MRS2: variants seen among roughly 807,000 people sequenced by gnomAD.
The protein encoded by MRS2 is magnesium transporter MRS2.
In MRS2, 40 loss-of-function variants were observed where a neutral mutation model predicts 52.6. That is an observed-to-expected ratio of 0.76 (90% CI 0.59 to 0.99). The LOEUF (loss-of-function observed/expected upper bound fraction) is 0.99. MRS2 is among the 50% of genes least tolerant of loss of function. The pLI, the probability that MRS2 is intolerant of heterozygous loss-of-function variation, is 0.00. For synonymous variants in MRS2, 193 were observed against 195.9 expected (o/e 0.98, Z 0.13); for missense variants, 472 against 532.7 (o/e 0.89, Z 1.12).
At chr6:24,412,518 G>A (rs1245675943) in intron 5 of MRS2, 123 bp downstream of exon 5, 2 of 662,754 alleles carry the variant, frequency 3.0e-6, no homozygotes, top group Non-Finnish European at 4.8e-6. Flanking sequence ...CCCGAAACAA[G>A]TCGTCTCTAA....
At chr6:24,417,634 T>G (rs1441404217) in intron 7 of MRS2, among the ~76,000 whole-genome samples, 1 of 152,172 alleles carries the variant, frequency 6.6e-6, no homozygotes, top group East Asian at 1.9e-4. Flanking sequence ...ACTCACAGAT[T>G]GGCCACAACA....
intron 3 of MRS2, 146 bp downstream of exon 3, chr6:24,408,590 T>C: frequency 1.6e-6 from 1 of 642,644 alleles, no homozygotes. Flanking sequence ...TGTCCATCAG[T>C]CTTAATTGGA....
intron 5 of MRS2, among the ~76,000 whole-genome samples, chr6:24,413,986 C>A (rs912042828): frequency 2.0e-5 from 3 of 152,138 alleles, no homozygotes; most frequent in African/African-American, 7.2e-5. Flanking sequence ...TGTTTTAAAG[C>A]TCAAGTTTTT....
chr6:24,406,120 AAG>A (rs1761466876), intron 2 of MRS2, among the ~76,000 whole-genome samples: 1 of 151,286 alleles, frequency 6.6e-6, no homozygotes, highest in Admixed American at 6.6e-5. Flanking sequence ...AAAAAAAAAA[AAG>A]GTGTGCCTAT....
intron 1 of MRS2, 109 bp from the exon 2 acceptor site, chr6:24,405,059 A>T: frequency 1.5e-6 from 1 of 645,710 alleles, no homozygotes; most frequent in East Asian, 2.9e-5. Context: ...AAAAATATTT[A>T]AAAATAATAA....
At chr6:24,407,195 A>G (rs1436788411) in intron 2 of MRS2, among the ~76,000 whole-genome samples, 3 of 151,776 alleles carry the variant, frequency 2.0e-5, no homozygotes, top group African/African-American at 7.2e-5. Flanking sequence ...TATGTTACGT[A>G]TATTTATTTT....
At chr6:24,409,081 A>T (rs1385506761) in intron 3 of MRS2, among the ~76,000 whole-genome samples, 2 of 152,232 alleles carry the variant, frequency 1.3e-5, no homozygotes, top group African/African-American at 2.4e-5. Flanking sequence ...CTGTTCACAT[A>T]TATAAAATAC....
At chr6:24,420,835 G>A (rs1000845127) in intron 9 of MRS2, among the ~76,000 whole-genome samples, 1 of 152,102 alleles carries the variant, frequency 6.6e-6, no homozygotes, top group African/African-American at 2.4e-5. Flanking sequence ...GGTTGGAATG[G>A]TTAGAAGAGC....
chr6:24,410,901 C>A, intron 4 of MRS2: 1 of 642,238 alleles, frequency 1.6e-6, no homozygotes, highest in Non-Finnish European at 2.6e-6. Context: ...TAAAAATTTT[C>A]ATGAGGCTAG....
In MRS2 at chr6:24,418,509, C is replaced by T. The variant is rs747861400; in HGVS notation, c.1038C>T (p.Thr346=). Residue 346 remains threonine, a synonymous_variant, in exon 9 of 11, where the codon ACC becomes ACT. Coordinates refer to ENST00000378386, the MANE Select transcript of MRS2 (RefSeq NM_020662.4). ...MRLNLQLTMG[T]FSLSLFGLMG... ...TGAATCTACAGCTGACCATGGGAAC[C>T]TTCTCTCTTTCGCTCTTTGGACTAA... is the stretch of plus-strand genomic sequence containing the variant. 5.9e-5 allele frequency: 96 copies of T among 1,613,974 alleles called. No homozygotes were observed. The highest frequency in any genetic ancestry group is 8.3e-5 in the Admixed American group (5 of 59,986).
intron 9 of MRS2, among the ~76,000 whole-genome samples, chr6:24,419,920 T>C (rs1014894183): frequency 6.6e-6 from 1 of 152,242 alleles, no homozygotes; most frequent in African/African-American, 2.4e-5. Flanking sequence ...TGGATGTGCA[T>C]CTGGCACAGT....
Position 24,423,899 on chromosome 6 carries a change from G to A in MRS2, c.*205G>A, listed in dbSNP as rs1192086632. On this transcript the variant is annotated 3_prime_UTR_variant, in exon 11 of 11. Transcript: ENST00000378386. ...AAACAAAGTATTTGCTTTGTAAAAG[G>A]CCAAAATTCTATTTCCTACAAACTT... 1 of 310,030 alleles carries A rather than the reference G, an allele frequency of 3.2e-6. No homozygotes were observed. Among genetic ancestry groups the A allele is most frequent in the Admixed American group, 4.5e-5 (1 of 22,182 alleles). The allele number at this position is 310,030 out of a possible 1,614,324, so 19.2% of individuals were successfully genotyped here.
intron 10 of MRS2, 98 bp downstream of exon 10, chr6:24,423,148 C>T: frequency 1.1e-6 from 1 of 914,718 alleles, no homozygotes; most frequent in Non-Finnish European, 1.7e-6. Flanking sequence ...GGCACTATGG[C>T]CCTTGCGAGT....
In MRS2 at chr6:24,406,477, A is replaced by G. The variant is rs989155201; in HGVS notation, c.264+1236A>G. ...CTGGAAGAGTTGGCCAATTTAGTTA[A>G]GAATACAAAATCAGGGCCAGGCACG... is the stretch of plus-strand genomic sequence containing the variant. On this transcript the variant is annotated intron_variant, in intron 2 of 10. Coordinates refer to ENST00000378386, the MANE Select transcript of MRS2 (RefSeq NM_020662.4). 3.3e-5 allele frequency among the ~76,000 whole-genome samples: 5 copies of G among 152,158 alleles called. No homozygotes were observed. The East Asian group carries it at 9.6e-4, about 29-fold the overall frequency.
Position 24,403,211 on chromosome 6 carries a change from C to T in MRS2, c.165C>T (p.Cys55=), listed in dbSNP as rs1232589654. The T allele has an allele frequency of 1.3e-6, 2 of 1,599,320 alleles. No individual in the cohort carries two copies. The highest frequency in any genetic ancestry group is 1.7e-6 in the Non-Finnish European group (2 of 1,178,630). ...GAAGGAGCCGAGCGGCGCAGCTTTGCGGGCCCGACCGGCTCCGCGTGGCAG... is the reference window on the plus strand; with the variant it reads ...GAAGGAGCCGAGCGGCGCAGCTTTGTGGGCCCGACCGGCTCCGCGTGGCAG... The part of the protein sequence containing the change: ...LIGRSRAAQL[C]GPDRLRVAGE... The change falls in exon 1 of 11, where the codon TGC becomes TGT. Residue 55 remains cysteine (C), a synonymous_variant. Coordinates refer to ENST00000378386, the MANE Select transcript of MRS2 (RefSeq NM_020662.4).
chr6:24,415,516 A>C (rs1288158936), intron 6 of MRS2, among the ~76,000 whole-genome samples: 1 of 152,330 alleles, frequency 6.6e-6, no homozygotes, highest in East Asian at 1.9e-4. Flanking sequence ...TTAAAATCAT[A>C]ATGCATTCCA....
At position 24,423,062 on chromosome 6, in the gene MRS2, A is replaced by G. The variant is rs1423505279; in HGVS notation, c.1221+12A>G. The G allele has an allele frequency of 6.2e-7, 1 of 1,602,472 alleles. No homozygotes were observed. Among genetic ancestry groups the G allele is most frequent in the East Asian group, 2.2e-5 (1 of 44,842 alleles). Reference sequence around the variant, plus strand: ...CATTGCCTCCTATGGTATGAAGGATATGGTTCACGGCGGTATTGTGGAAGG... The same window carrying G: ...CATTGCCTCCTATGGTATGAAGGATGTGGTTCACGGCGGTATTGTGGAAGG... On this transcript the variant is annotated intron_variant, in intron 10 of 10. Coordinates refer to ENST00000378386, the MANE Select transcript of MRS2 (RefSeq NM_020662.4).
Position 24,412,396 on chromosome 6 carries a change from G to A in MRS2, c.588+1G>A, listed in dbSNP as rs1276095233. The stretch of plus-strand genomic sequence containing the variant: ...TATAGAAGCACTCCTGCAATATTGG[G>A]TAAGTCTGTTTTTATTTAGCTTCTT... On this transcript the variant is annotated splice_donor_variant, in intron 5 of 10. Coordinates refer to ENST00000378386, the MANE Select transcript of MRS2 (RefSeq NM_020662.4). LOFTEE classifies it high-confidence loss of function. 6.5e-7 allele frequency: 1 copy of A among 1,531,086 alleles called. No individual in the cohort carries two copies. Among genetic ancestry groups the A allele is most frequent in the South Asian group, 1.3e-5 (1 of 78,364 alleles). 94.8% of individuals were successfully genotyped at this position (1,531,086 alleles called of 1,614,324 possible).
intron 9 of MRS2, chr6:24,418,855 C>T (rs1311300492): frequency 1.9e-5 from 5 of 268,482 alleles, no homozygotes; most frequent in East Asian, 8.7e-5. Flanking sequence ...GCTGAGATCG[C>T]GCCGTTGCAC....
Sources: allele counts gnomAD v4.1 joint callset (sites outside exome capture counted in the v4.1 genomes callset), GRCh38; gene constraint gnomAD v4.1.1; transcripts MANE v1.5; gene names NCBI Gene and HGNC (gene_info 2026-07-23, HGNC 2026-07-21).